ARF4: variants seen among roughly 807,000 people sequenced by gnomAD.
ARF4 encodes ARF GTPase 4.
In ARF4, 5 loss-of-function variants were observed where a neutral mutation model predicts 24.3. The observed-to-expected ratio is 0.21, with a 90% confidence interval of 0.11 to 0.43. The LOEUF (loss-of-function observed/expected upper bound fraction) is 0.43. ARF4 is among the 20% of genes least tolerant of loss of function. ARF4 has a pLI of 1.00. For synonymous variants in ARF4, 62 were observed against 73.5 expected (o/e 0.84, Z 0.80); for missense variants, 107 against 213.0 (o/e 0.50, Z 3.10).
chr3:57,578,544 A>G (rs1326508565), intron 3 of ARF4, among the ~76,000 whole-genome samples: 3 of 151,974 alleles, frequency 2.0e-5, no homozygotes. Context: ...CAGTAGCACA[A>G]TCTTGGCTCA....
intron 1 of ARF4, among the ~76,000 whole-genome samples, chr3:57,594,313 C>G (rs1201581324): frequency 6.6e-6 from 1 of 152,182 alleles, no homozygotes; most frequent in African/African-American, 2.4e-5. Flanking sequence ...GTTGACCAGG[C>G]TGGCCTCAAT....
At position 57,582,379 on chromosome 3, in the gene ARF4, A is replaced by T. The variant is rs542609211; in HGVS notation, c.258+1519T>A. ...TGCCTCAGCCTCCTGAGTAGCTGGGATCACAGGTGCGCGCCACCACGCCCG... is the reference window on the plus strand; with the variant it reads ...TGCCTCAGCCTCCTGAGTAGCTGGGTTCACAGGTGCGCGCCACCACGCCCG... On this transcript the variant is annotated intron_variant, in intron 3 of 5. Transcript: ENST00000303436. Among the ~76,000 whole-genome samples the T allele has an allele frequency of 3.3e-5, 5 of 151,824 alleles. No individual in the cohort carries two copies. In the South Asian group the frequency reaches 1.0e-3, roughly 32 times the overall value.
rs1166933486 is a variant in ARF4, at chr3:57,575,630, G to A, written c.374C>T (p.Ala125Val). 6.2e-7 allele frequency: 1 copy of A among 1,612,982 alleles called. No homozygotes were observed. Among genetic ancestry groups the A allele is most frequent in the Non-Finnish European group, 8.5e-7 (1 of 1,179,666 alleles). Residue 125 changes from alanine to valine, a missense_variant, in exon 5 of 6, where the codon GCA becomes GTA. Ala to Val is a moderately conservative substitution (Grantham distance 64). Transcript: ENST00000303436. The stretch of plus-strand genomic sequence containing the variant: ...AGCATTTGGCAAATCCTGTTTGTTT[G>A]CAAAAAGTAGCAGCACTGCATCTCT... ...ELRDAVLLLF[A>V]NKQDLPNAMA...
At chr3:57,596,895 G>T in intron 1 of ARF4, 179 bp downstream of exon 1, 10 of 622,748 alleles carry the variant, frequency 1.6e-5, no homozygotes, top group South Asian at 3.9e-5. Flanking sequence ...CAGATCGGGG[G>T]CGGGGGGGAT....
chr3:57,575,481 T>C (rs982161495), intron 5 of ARF4, 67 bp downstream of exon 5: 14 of 1,454,112 alleles, frequency 9.6e-6, no homozygotes, highest in Non-Finnish European at 1.3e-5. Context: ...AACTGAATAT[T>C]AGCTTACACA....
At chr3:57,590,595 G>T (rs1174099442) in intron 1 of ARF4, among the ~76,000 whole-genome samples, 1 of 152,190 alleles carries the variant, frequency 6.6e-6, no homozygotes, top group Non-Finnish European at 1.5e-5. Context: ...TGGATAAAAA[G>T]ATTTTTCATG....
intron 1 of ARF4, among the ~76,000 whole-genome samples, chr3:57,585,703 C>G (rs1392915758): frequency 3.4e-5 from 5 of 145,968 alleles, no homozygotes; most frequent in Non-Finnish European, 7.4e-5. Context: ...CACTCTGTCA[C>G]CCAGGCTGAA....
intron 3 of ARF4, among the ~76,000 whole-genome samples, chr3:57,578,906 T>C (rs1477056825): frequency 1.3e-5 from 2 of 150,368 alleles, no homozygotes; most frequent in Non-Finnish European, 3.0e-5. Context: ...GGGGCAAAAA[T>C]AAAAATAATA....
chr3:57,590,828 G>A (rs796625609), intron 1 of ARF4, among the ~76,000 whole-genome samples: 28 of 152,236 alleles, frequency 1.8e-4, no homozygotes, highest in African/African-American at 6.5e-4. Context: ...ACAGGGGCAC[G>A]CCACCATGCC....
At chr3:57,574,273 A>G (rs765840579) in intron 5 of ARF4, among the ~76,000 whole-genome samples, 30 of 152,022 alleles carry the variant, frequency 2.0e-4, no homozygotes, top group Admixed American at 1.3e-4. Flanking sequence ...TTCATTTTTT[A>G]CCACAGCCAC....
chr3:57,574,859 T>C (rs779553656), intron 5 of ARF4, among the ~76,000 whole-genome samples: 6 of 151,968 alleles, frequency 3.9e-5, no homozygotes, highest in Non-Finnish European at 8.8e-5. Flanking sequence ...ATCTCCACTT[T>C]TTTTTTGAGA....
At chr3:57,580,390 A>AT (rs1300252128) in intron 3 of ARF4, among the ~76,000 whole-genome samples, 1 of 151,528 alleles carries the variant, frequency 6.6e-6, no homozygotes, top group East Asian at 1.9e-4. Context: ...CAAACCTTCC[A>AT]TTTTTTTGTT....
chr3:57,584,476 C>T lies in ARF4; in HGVS notation c.68-12G>A, dbSNP rs1337931381. 3 of 1,605,116 alleles carry T rather than the reference C, an allele frequency of 1.9e-6. No homozygotes were observed. Among genetic ancestry groups the T allele is most frequent in the Admixed American group, 1.7e-5 (1 of 59,418 alleles). On this transcript the variant is annotated splice_polypyrimidine_tract_variant and intron_variant, in intron 1 of 5. Coordinates refer to ENST00000303436, the MANE Select transcript of ARF4 (RefSeq NM_001660.4). ...AGCATCCAATCCAACTAGAAGAAGA[C>T]ATTATAGATTTAAAATCCAGACCAA...
intron 1 of ARF4, among the ~76,000 whole-genome samples, chr3:57,593,795 C>T (rs959016764): frequency 6.6e-6 from 1 of 152,080 alleles, no homozygotes; most frequent in African/African-American, 2.4e-5. Flanking sequence ...TAGCACTTTT[C>T]GAGGCCGAGG....
chr3:57,597,319 G>A lies in ARF4; in HGVS notation c.-179C>T. 3.4e-6 allele frequency: 2 copies of A among 581,052 alleles called. No homozygotes were observed. Among genetic ancestry groups the A allele is most frequent in the South Asian group, 2.0e-5 (1 of 48,878 alleles). 36.0% of individuals were successfully genotyped at this position (581,052 alleles called of 1,614,324 possible). On this transcript the variant is annotated 5_prime_UTR_variant, in exon 1 of 6. Coordinates refer to ENST00000303436, the MANE Select transcript of ARF4 (RefSeq NM_001660.4). ...CGATGAAGATCCGGCACAGGAATAA[G>A]CCGGTAGAGGACCTGCTAGGCGACT...
intron 1 of ARF4, among the ~76,000 whole-genome samples, chr3:57,595,304 ACATAAC>A (rs2070167183): frequency 6.6e-6 from 1 of 152,244 alleles, no homozygotes; most frequent in South Asian, 2.1e-4. Flanking sequence ...GTGTTCTGGA[ACATAAC>A]CATATATTGT....
At chr3:57,590,903 T>C (rs1367446699) in intron 1 of ARF4, among the ~76,000 whole-genome samples, 1 of 152,190 alleles carries the variant, frequency 6.6e-6, no homozygotes, top group Non-Finnish European at 1.5e-5. Context: ...CCAGGCTGCG[T>C]AATAGTTTAA....
At chr3:57,586,503 C>CT (rs781241381) in intron 1 of ARF4, among the ~76,000 whole-genome samples, 13 of 152,284 alleles carry the variant, frequency 8.5e-5, no homozygotes, top group Non-Finnish European at 1.6e-4. Context: ...CCAAGAATAA[C>CT]TTTAAGTTCT....
At chr3:57,584,087 A>C in intron 2 of ARF4, 80 bp from the exon 3 acceptor site, 1 of 1,004,110 alleles carries the variant, frequency 1.0e-6, no homozygotes, top group Non-Finnish European at 1.5e-6. Context: ...TTCTTAGAAT[A>C]GTGTTTTTAA....
Sources: allele counts gnomAD v4.1 joint callset (sites outside exome capture counted in the v4.1 genomes callset), GRCh38; gene constraint gnomAD v4.1.1; transcripts MANE v1.5; gene names NCBI Gene and HGNC (gene_info 2026-07-23, HGNC 2026-07-21).